Variants in PCDH9 observed in about 807,000 individuals in gnomAD.
The protein encoded by PCDH9 is protocadherin 9.
Under a neutral mutation model 70.6 loss-of-function variants are expected in PCDH9, and 24 were observed. The ratio of observed to expected loss-of-function variants is 0.34; its 90% CI spans 0.25 to 0.48. PCDH9 has a LOEUF of 0.48. Ranked by LOEUF, PCDH9 falls within the 20% of genes least tolerant of loss-of-function variation. PCDH9 has a pLI of 0.99. For synonymous variants in PCDH9, 562 were observed against 558.5 expected, an observed-to-expected ratio of 1.01 and a Z score of -0.09; for missense variants, 1,281 against 1,503.6, an observed-to-expected ratio of 0.85 and a Z score of 2.45.
At chr13:66,588,506 A>G (rs965230081) in intron 4 of PCDH9, among the ~76,000 whole-genome samples, 3 of 150,836 alleles carry the variant, frequency 2.0e-5, no homozygotes, top group South Asian at 2.1e-4. Flanking sequence ...ATATATATAT[A>G]TATGTATGTA....
intron 2 of PCDH9, among the ~76,000 whole-genome samples, chr13:66,980,047 T>A (rs552987126): frequency 3.3e-5 from 5 of 152,242 alleles, no homozygotes; most frequent in African/African-American, 1.2e-4. Flanking sequence ...ATACTATTTA[T>A]GTAGCAATGA....
intron 4 of PCDH9, among the ~76,000 whole-genome samples, chr13:66,630,023 T>G (rs2138930587): frequency 6.6e-6 from 1 of 152,266 alleles, no homozygotes; most frequent in Non-Finnish European, 1.5e-5. Flanking sequence ...CAGAGATATT[T>G]TCATGTTTGA....
chr13:66,673,551 A>G (rs1304233902), intron 3 of PCDH9, among the ~76,000 whole-genome samples: 1 of 152,164 alleles, frequency 6.6e-6, no homozygotes, highest in Non-Finnish European at 1.5e-5. Context: ...AAGCCAGGGA[A>G]TGTCTGAGGC....
chr13:66,848,194 T>C (rs1018563519), intron 3 of PCDH9, among the ~76,000 whole-genome samples: 6 of 152,160 alleles, frequency 3.9e-5, no homozygotes, highest in Non-Finnish European at 7.4e-5. Flanking sequence ...TTTGCTATAT[T>C]AGAAGAGAAT....
At chr13:66,374,836 T>C (rs1215045326) in intron 4 of PCDH9, among the ~76,000 whole-genome samples, 2 of 152,102 alleles carry the variant, frequency 1.3e-5, no homozygotes, top group Non-Finnish European at 1.5e-5. Context: ...CAACAAGATG[T>C]ATTTCTTCAT....
chr13:66,593,237 TG>T (rs1317219861), intron 4 of PCDH9, among the ~76,000 whole-genome samples: 1 of 151,766 alleles, frequency 6.6e-6, no homozygotes. Context: ...GGAGGACTAT[TG>T]TCATTTTGCA....
chr13:66,663,634 G>C (rs1431425884), intron 3 of PCDH9, among the ~76,000 whole-genome samples: 2 of 152,152 alleles, frequency 1.3e-5, no homozygotes, highest in Non-Finnish European at 2.9e-5. Context: ...AATTACTACT[G>C]TATCTCCTGA....
intron 2 of PCDH9, among the ~76,000 whole-genome samples, chr13:67,191,488 C>T (rs574322955): frequency 6.6e-6 from 1 of 152,122 alleles, no homozygotes; most frequent in Admixed American, 6.6e-5. Flanking sequence ...ATAATTATTT[C>T]AACCCTTTTA....
intron 2 of PCDH9, among the ~76,000 whole-genome samples, chr13:67,125,439 G>A (rs999131214): frequency 1.3e-5 from 2 of 152,136 alleles, no homozygotes; most frequent in Admixed American, 6.5e-5. Flanking sequence ...AGGATAAGAG[G>A]AAATAAAAAG....
intron 4 of PCDH9, among the ~76,000 whole-genome samples, chr13:66,312,613 A>G: frequency 6.7e-6 from 1 of 148,960 alleles, no homozygotes; most frequent in Admixed American, 6.7e-5. Flanking sequence ...CCTGCCTCAA[A>G]AAAAAAAAAA....
At chr13:66,584,656 C>G (rs1016897188) in intron 4 of PCDH9, among the ~76,000 whole-genome samples, 1 of 152,064 alleles carries the variant, frequency 6.6e-6, no homozygotes, top group Admixed American at 6.6e-5. Flanking sequence ...AATACTTTTA[C>G]AGTAGTCTTC....
intron 3 of PCDH9, among the ~76,000 whole-genome samples, chr13:66,767,049 C>A (rs1057403171): frequency 1.3e-5 from 2 of 151,908 alleles, no homozygotes; most frequent in African/African-American, 4.8e-5. Context: ...TGTTTAAAAT[C>A]TCCTTACATT....
intron 2 of PCDH9, among the ~76,000 whole-genome samples, chr13:67,164,770 A>G (rs2987335): frequency 0.038 from 5,790 of 152,034 alleles, 376 homozygotes; most frequent in African/African-American, 0.13. Context: ...TGTTTCAGTG[A>G]CATCATCCTG....
chr13:66,319,418 G>A (rs1203167647), intron 4 of PCDH9, among the ~76,000 whole-genome samples: 1 of 150,844 alleles, frequency 6.6e-6, no homozygotes, highest in African/African-American at 2.5e-5. Flanking sequence ...GGTAGAGAAG[G>A]CTTTGAGGCA....
intron 2 of PCDH9, among the ~76,000 whole-genome samples, chr13:67,021,667 C>T (rs1213628028): frequency 6.6e-6 from 1 of 151,958 alleles, no homozygotes; most frequent in African/African-American, 2.4e-5. Context: ...TCAAGCAAAT[C>T]TCCTGCCTCA....
chr13:66,938,700 A>T (rs2139678342), intron 2 of PCDH9, among the ~76,000 whole-genome samples: 1 of 152,276 alleles, frequency 6.6e-6, no homozygotes, highest in South Asian at 2.1e-4. Flanking sequence ...CTTTCATCTT[A>T]AGCCCATCAC....
chr13:66,532,769 AT>A (rs1960525230), intron 4 of PCDH9, among the ~76,000 whole-genome samples: 1 of 151,928 alleles, frequency 6.6e-6, no homozygotes, highest in South Asian at 2.1e-4. Flanking sequence ...GATTAATTTT[AT>A]TTTTTTAATC....
At position 66,620,292 on chromosome 13, in the gene PCDH9, C is replaced by G. The variant is rs544643532; in HGVS notation, c.3340+10918G>C. ...TTGAGCATCTACTGTGTTTCAGGCCCTTTAATTTTTATAAGAATATTTTCA... is the reference window on the plus strand; with the variant it reads ...TTGAGCATCTACTGTGTTTCAGGCCGTTTAATTTTTATAAGAATATTTTCA... On this transcript the variant is annotated intron_variant, in intron 4 of 4. Transcript: ENST00000377865. Among the ~76,000 whole-genome samples the G allele has an allele frequency of 2.2e-4, 33 of 152,176 alleles. No individual in the cohort carries two copies. In the East Asian group the frequency reaches 6.4e-3, roughly 29 times the overall value.
intron 3 of PCDH9, among the ~76,000 whole-genome samples, chr13:66,785,619 A>G (rs1014144784): frequency 2.6e-5 from 4 of 152,104 alleles, no homozygotes; most frequent in Non-Finnish European, 4.4e-5. Context: ...AGTAAGTCAT[A>G]GGATATCAGC....
Sources: allele counts gnomAD v4.1 joint callset (sites outside exome capture counted in the v4.1 genomes callset), GRCh38; gene constraint gnomAD v4.1.1; transcripts MANE v1.5; gene names NCBI Gene and HGNC (gene_info 2026-07-23, HGNC 2026-07-21).